Variants in SFMBT2 observed in about 807,000 individuals in gnomAD.
SFMBT2 encodes the protein Scm like with four mbt domains 2.
SFMBT2 carries 38 observed loss-of-function variants against 110.1 expected under a neutral mutation model. The ratio of observed to expected loss-of-function variants is 0.35; its 90% confidence interval spans 0.27 to 0.45. SFMBT2 has a LOEUF of 0.45. Among genes scored for constraint, SFMBT2 ranks in the 20% least tolerant of loss-of-function variants. The pLI, the probability that SFMBT2 is intolerant of heterozygous loss-of-function variation, is 1.00. For missense variants in SFMBT2, 1,011 were observed against 1,094.9 expected, an observed-to-expected ratio of 0.92 and a Z score of 1.08; for synonymous variants, 425 against 425.4, an observed-to-expected ratio of 1.00 and a Z score of 0.01.
At chr10:7,297,057 A>G (rs1313443552) in intron 4 of SFMBT2, among the ~76,000 whole-genome samples, 1 of 152,210 alleles carries the variant, frequency 6.6e-6, no homozygotes, top group African/African-American at 2.4e-5. Flanking sequence ...ATATATACAC[A>G]CATTCTATTG....
chr10:7,186,132 T>C (rs998427424), intron 16 of SFMBT2, among the ~76,000 whole-genome samples: 1 of 152,108 alleles, frequency 6.6e-6, no homozygotes, highest in Non-Finnish European at 1.5e-5. Context: ...GAGACAATTG[T>C]AGGTAACAGT....
chr10:7,277,935 C>G (rs999865345), intron 6 of SFMBT2, among the ~76,000 whole-genome samples: 2 of 152,196 alleles, frequency 1.3e-5, no homozygotes, highest in African/African-American at 4.8e-5. Flanking sequence ...ATCCTCATAG[C>G]TTTTGAACTC....
chr10:7,361,169 T>C (rs1235963261), intron 4 of SFMBT2, among the ~76,000 whole-genome samples: 1 of 152,238 alleles, frequency 6.6e-6, no homozygotes, highest in Non-Finnish European at 1.5e-5. Context: ...TATGAGTTTT[T>C]AGCATATATA....
At chr10:7,233,598 A>AT (rs1436932703) in intron 9 of SFMBT2, among the ~76,000 whole-genome samples, 3 of 152,232 alleles carry the variant, frequency 2.0e-5, no homozygotes, top group African/African-American at 7.2e-5. Flanking sequence ...CAGGACCCAG[A>AT]TATGTGCATA....
intron 16 of SFMBT2, among the ~76,000 whole-genome samples, chr10:7,178,183 C>G (rs1838135239): frequency 6.6e-6 from 1 of 152,150 alleles, no homozygotes; most frequent in South Asian, 2.1e-4. Context: ...CTCCCCACCA[C>G]CCACACAGCA....
At chr10:7,357,491 C>T (rs1050015866) in intron 4 of SFMBT2, among the ~76,000 whole-genome samples, 1 of 152,160 alleles carries the variant, frequency 6.6e-6, no homozygotes, top group African/African-American at 2.4e-5. Flanking sequence ...ACACTGGCTC[C>T]CCCTGCTTCA....
intron 7 of SFMBT2, among the ~76,000 whole-genome samples, chr10:7,266,846 G>T (rs1232633579): frequency 6.6e-6 from 1 of 152,200 alleles, no homozygotes. Context: ...TTCCTGATGG[G>T]TGGAATGGAA....
intron 2 of SFMBT2, among the ~76,000 whole-genome samples, chr10:7,376,204 G>A (rs891416702): frequency 6.6e-6 from 1 of 152,080 alleles, no homozygotes; most frequent in African/African-American, 2.4e-5. Context: ...CCCAGCATTG[G>A]AATTTCCGCA....
chr10:7,250,723 C>A (rs552884473), intron 7 of SFMBT2, among the ~76,000 whole-genome samples: 12 of 152,338 alleles, frequency 7.9e-5, no homozygotes, highest in African/African-American at 2.9e-4. Flanking sequence ...TCCCTGTTCT[C>A]CACAGCCTCA....
chr10:7,268,240 T>C (rs972841279), intron 7 of SFMBT2, among the ~76,000 whole-genome samples: 1 of 152,222 alleles, frequency 6.6e-6, no homozygotes, highest in African/African-American at 2.4e-5. Flanking sequence ...TCTCTTAGTA[T>C]ACACTCAGTG....
At chr10:7,182,540 A>C (rs1406216678) in intron 16 of SFMBT2, among the ~76,000 whole-genome samples, 1 of 152,166 alleles carries the variant, frequency 6.6e-6, no homozygotes, top group Non-Finnish European at 1.5e-5. Flanking sequence ...TGCAGCCATA[A>C]AAAATGATGA....
rs1564361096 is a variant in SFMBT2 at position 7,163,868 on chromosome 10, C to T, written c.2587G>A (p.Val863Met). Residue 863 changes from valine to methionine, a missense_variant, in exon 21 of 21, where the codon GTG becomes ATG. Around this residue, in one of 2 missense-constraint regions of SFMBT2, gnomAD observed 32 missense variants for 78.8 expected, o/e 0.41. Transcript: ENST00000397167. The surrounding 1 kb of genome is among the most constrained non-coding windows in gnomAD (Gnocchi z 4.8). ...QALLLLTLPTVQECMELKLGP... is the reference protein window; with the variant it reads ...QALLLLTLPTMQECMELKLGP... ...AGCTTCAGCTCCATGCACTCCTGCACCGTCGGAAGGGTCAGAAGCAGGAGT... is the reference window on the plus strand; with the variant it reads ...AGCTTCAGCTCCATGCACTCCTGCATCGTCGGAAGGGTCAGAAGCAGGAGT... 2 of 1,614,152 alleles carry T rather than the reference C, an allele frequency of 1.2e-6. No individual in the cohort carries two copies. The highest frequency in any genetic ancestry group is 8.5e-7 in the Non-Finnish European group (1 of 1,180,030).
chr10:7,228,729 TTCTTTCCTTTCTC>T (rs1564395310), intron 9 of SFMBT2, among the ~76,000 whole-genome samples: 755 of 89,600 alleles, frequency 8.4e-3, no homozygotes, highest in African/African-American at 0.011. Context: ...CTTTCTTTCT[TTCTTTCCTTTCTC>T]TCTCTCTCTC....
intron 7 of SFMBT2, among the ~76,000 whole-genome samples, chr10:7,268,980 A>G (rs373052008): frequency 7.9e-5 from 12 of 152,348 alleles, no homozygotes; most frequent in African/African-American, 2.9e-4. Flanking sequence ...GACTTGTTAT[A>G]GACATGGATA....
At chr10:7,383,396 G>T (rs937062627) in intron 1 of SFMBT2, among the ~76,000 whole-genome samples, 1 of 152,172 alleles carries the variant, frequency 6.6e-6, no homozygotes, top group African/African-American at 2.4e-5. Context: ...TGTGCAATGG[G>T]AGAGAAAAAG....
intron 7 of SFMBT2, among the ~76,000 whole-genome samples, chr10:7,250,618 T>C (rs1311857576): frequency 3.3e-5 from 5 of 152,198 alleles, no homozygotes; most frequent in Non-Finnish European, 7.4e-5. Context: ...GTGAGATTGC[T>C]GGGTTGAATG....
At chr10:7,268,226 G>C (rs774182910) in intron 7 of SFMBT2, among the ~76,000 whole-genome samples, 2 of 152,136 alleles carry the variant, frequency 1.3e-5, no homozygotes, top group Non-Finnish European at 2.9e-5. Flanking sequence ...AAATCCTTTA[G>C]TGGTCTCTTA....
intron 7 of SFMBT2, among the ~76,000 whole-genome samples, chr10:7,274,028 C>T (rs1490691186): frequency 6.6e-6 from 1 of 152,134 alleles, no homozygotes; most frequent in African/African-American, 2.4e-5. Context: ...TGGAACCAAC[C>T]CAAATGTTCA....
intron 12 of SFMBT2, chr10:7,205,016 T>C: frequency 2.8e-6 from 2 of 702,772 alleles, no homozygotes; most frequent in Non-Finnish European, 3.5e-6. Flanking sequence ...CGTGTGGTAA[T>C]ATACTTTATA....
Sources: gnomAD v4.1 joint callset for allele counts (sites outside exome capture counted in the v4.1 genomes callset) on GRCh38, gnomAD v4.1.1 for gene constraint, gnomAD v4.1.1 regional missense constraint, Gnocchi (gnomAD v3.1) non-coding constraint, MANE v1.5 for transcripts, NCBI Gene and HGNC (gene_info 2026-07-23, HGNC 2026-07-21) for gene names.